Variants in SETBP1 observed in about 807,000 individuals in gnomAD.
The protein encoded by SETBP1 is SET binding protein 1.
In SETBP1, 9 loss-of-function variants were observed where a neutral mutation model predicts 101.0. The observed-to-expected ratio is 0.09, with a 90% CI of 0.05 to 0.16. SETBP1 has a LOEUF of 0.16. SETBP1 is among the 10% of genes least tolerant of loss of function. SETBP1 has a pLI of 1.00. For synonymous variants in SETBP1, 818 were observed against 788.5 expected (o/e 1.04, Z -0.63); for missense variants, 1,858 against 2,033.8 (o/e 0.91, Z 1.66).
At position 45,034,001 on chromosome 18, in the gene SETBP1, T is replaced by G. The variant is rs545443089; in HGVS notation, c.4001-4484T>G. ...ATGATATAAAGTAGATAACTAGCTT[T>G]ATAAACCATGGAACAACATACAGCT... On this transcript the variant is annotated intron_variant, in intron 4 of 5. Coordinates refer to ENST00000649279, the MANE Select transcript of SETBP1 (RefSeq NM_015559.3). Among the ~76,000 whole-genome samples the G allele has an allele frequency of 4.6e-5, 7 of 152,340 alleles. No homozygotes were observed. The South Asian group carries it at 1.4e-3, about 32-fold the overall frequency.
At chr18:44,936,550 C>A (rs975986070) in intron 3 of SETBP1, among the ~76,000 whole-genome samples, 1 of 152,116 alleles carries the variant, frequency 6.6e-6, no homozygotes. Context: ...TTTCCCCTAC[C>A]AGTACACATG....
intron 4 of SETBP1, among the ~76,000 whole-genome samples, chr18:45,014,335 A>G (rs983057616): frequency 6.6e-6 from 1 of 152,160 alleles, no homozygotes; most frequent in African/African-American, 2.4e-5. Flanking sequence ...CTGACCTGCC[A>G]CCCTGCAGGA....
Position 45,057,997 on chromosome 18 carries a change from G to C in SETBP1, c.4172-5082G>C, listed in dbSNP as rs142695447. 1.1e-3 allele frequency among the ~76,000 whole-genome samples: 173 copies of C among 152,336 alleles called. No homozygotes were observed. The Middle Eastern group carries it at 0.014, about 12-fold the overall frequency. ...CAGAATGCTGATGAGCCAATCTTCT[G>C]ATAATGGGAGTGAAAAGATAGAATG... On this transcript the variant is annotated intron_variant, in intron 5 of 5. Coordinates refer to ENST00000649279, the MANE Select transcript of SETBP1 (RefSeq NM_015559.3).
chr18:44,864,993 T>C (rs552129028), intron 2 of SETBP1, among the ~76,000 whole-genome samples: 5 of 152,118 alleles, frequency 3.3e-5, no homozygotes, highest in African/African-American at 9.6e-5. Context: ...AGGAGGGACA[T>C]GTGTACTTCC....
intron 3 of SETBP1, among the ~76,000 whole-genome samples, chr18:44,928,928 A>T (rs2070763168): frequency 6.6e-6 from 1 of 151,954 alleles, no homozygotes; most frequent in South Asian, 2.1e-4. Context: ...GAAGCTCTTT[A>T]GTTTAATTAG....
At chr18:44,940,660 T>C (rs2071067713) in intron 3 of SETBP1, among the ~76,000 whole-genome samples, 1 of 152,222 alleles carries the variant, frequency 6.6e-6, no homozygotes, top group African/African-American at 2.4e-5. Context: ...TACGCTCTTA[T>C]TCTTTGTTTT....
At position 44,952,985 on chromosome 18, in the gene SETBP1, C is replaced by T. The variant is rs200219791; in HGVS notation, c.3645C>T (p.Ser1215=). 3.0e-5 allele frequency: 49 copies of T among 1,613,990 alleles called. No individual in the cohort carries two copies. The highest frequency in any genetic ancestry group is 1.7e-5 in the Admixed American group (1 of 59,984). ...AGGAGAAACAGAAGCACCAGCACAG[C>T]GAAGCCGGCCACAAAGCTTCTAAGA... ...KHKEKQKHQH[S]EAGHKASKNN... The change falls in exon 4 of 6, where the codon AGC becomes AGT. Residue 1215 remains serine, a synonymous_variant. Transcript: ENST00000649279.
At position 44,796,392 on chromosome 18, in the gene SETBP1, G is replaced by A. The variant is rs567591013; in HGVS notation, c.487-72838G>A. ...CCAGGATAATCTAGAATTATCTAGT[G>A]GTAATCTAGACCAGTGCTTGTCCAT... On this transcript the variant is annotated intron_variant, in intron 2 of 5. Coordinates refer to ENST00000649279, the MANE Select transcript of SETBP1 (RefSeq NM_015559.3). Among the ~76,000 whole-genome samples the A allele has an allele frequency of 2.5e-3, 384 of 152,274 alleles. 2 individuals carry two copies. Among genetic ancestry groups the A allele is most frequent in the Admixed American group, 2.9e-3 (45 of 15,300 alleles).
intron 3 of SETBP1, among the ~76,000 whole-genome samples, chr18:44,894,938 C>A (rs1479403241): frequency 2.2e-5 from 3 of 136,648 alleles, no homozygotes; most frequent in African/African-American, 8.3e-5. Flanking sequence ...CATAGCGAGA[C>A]CCTATCTCTG....
chr18:44,810,933 G>A (rs979925109), intron 2 of SETBP1, among the ~76,000 whole-genome samples: 4 of 152,082 alleles, frequency 2.6e-5, no homozygotes, highest in Non-Finnish European at 4.4e-5. Flanking sequence ...CATTTTCTGG[G>A]GCGAACCATG....
intron 2 of SETBP1, among the ~76,000 whole-genome samples, chr18:44,856,738 A>G (rs2072984934): frequency 6.6e-6 from 1 of 152,352 alleles, no homozygotes; most frequent in African/African-American, 2.4e-5. Context: ...TGGAGTGCTT[A>G]TTAATATCCT....
intron 3 of SETBP1, among the ~76,000 whole-genome samples, chr18:44,927,260 G>T (rs1429889204): frequency 6.6e-6 from 1 of 152,126 alleles, no homozygotes; most frequent in Non-Finnish European, 1.5e-5. Flanking sequence ...GATGCCTCAG[G>T]CTATGACCTA....
At chr18:45,049,105 T>A (rs916149875) in intron 5 of SETBP1, among the ~76,000 whole-genome samples, 3 of 151,404 alleles carry the variant, frequency 2.0e-5, no homozygotes, top group Non-Finnish European at 4.4e-5. Flanking sequence ...AATGAATAGA[T>A]CGAATAACAA....
At chr18:44,686,451 A>T (rs1013746659) in intron 1 of SETBP1, among the ~76,000 whole-genome samples, 1 of 152,096 alleles carries the variant, frequency 6.6e-6, no homozygotes, top group African/African-American at 2.4e-5. Flanking sequence ...TGTGGGAGCT[A>T]ACTAGTTCCT....
At chr18:44,831,337 G>A (rs188618112) in intron 2 of SETBP1, among the ~76,000 whole-genome samples, 1 of 152,270 alleles carries the variant, frequency 6.6e-6, no homozygotes, top group East Asian at 1.9e-4. Flanking sequence ...GATATCTAAG[G>A]TTAGCAAGTT....
chr18:44,714,329 G>C (rs970579764), intron 2 of SETBP1, among the ~76,000 whole-genome samples: 1 of 152,042 alleles, frequency 6.6e-6, no homozygotes, highest in Non-Finnish European at 1.5e-5. Context: ...CTCCTGAGTA[G>C]CTGGGACTAC....
chr18:44,822,202 G>T (rs1012063693), intron 2 of SETBP1, among the ~76,000 whole-genome samples: 1 of 152,186 alleles, frequency 6.6e-6, no homozygotes, highest in Non-Finnish European at 1.5e-5. Context: ...GTCTTCATTT[G>T]TAGCTCTTTA....
At chr18:45,049,713 T>C (rs1307787905) in intron 5 of SETBP1, among the ~76,000 whole-genome samples, 1 of 152,178 alleles carries the variant, frequency 6.6e-6, no homozygotes, top group Non-Finnish European at 1.5e-5. Flanking sequence ...ATTGAAGGCA[T>C]TGAACTGGAG....
At chr18:44,918,324 C>T (rs956618898) in intron 3 of SETBP1, among the ~76,000 whole-genome samples, 1 of 152,294 alleles carries the variant, frequency 6.6e-6, no homozygotes, top group South Asian at 2.1e-4. Context: ...GGAAGAGGGG[C>T]CCAGGCTCAG....
Sources: gnomAD v4.1 joint callset for allele counts (sites outside exome capture counted in the v4.1 genomes callset) on GRCh38, gnomAD v4.1.1 for gene constraint, MANE v1.5 for transcripts, NCBI Gene and HGNC (gene_info 2026-07-23, HGNC 2026-07-21) for gene names.